Variants in ROR1 observed in about 807,000 individuals in gnomAD.
The protein encoded by ROR1 is ROR family WNT receptor 1.
A neutral mutation model predicts 78.8 loss-of-function variants in ROR1; 19 were observed. The observed-to-expected ratio is 0.24, with a 90% CI of 0.17 to 0.35. The LOEUF (loss-of-function observed/expected upper bound fraction) is 0.35. ROR1 is among the 10% of genes least tolerant of loss of function. The probability of loss-of-function intolerance (pLI) is 1.00; values close to 1 mark genes in which losing one functional copy is unlikely to be tolerated. For synonymous variants in ROR1, 386 were observed against 433.6 expected (o/e 0.89, Z 1.36); for missense variants, 917 against 1,177.8 (o/e 0.78, Z 3.24).
At chr1:64,158,646 C>T (rs1649843924) in intron 7 of ROR1, among the ~76,000 whole-genome samples, 1 of 152,176 alleles carries the variant, frequency 6.6e-6, no homozygotes, top group South Asian at 2.1e-4. Flanking sequence ...GTATACAGTC[C>T]ATTCACGTGG....
chr1:63,915,157 G>A (rs2100421468), intron 1 of ROR1, among the ~76,000 whole-genome samples: 1 of 152,302 alleles, frequency 6.6e-6, no homozygotes, highest in East Asian at 1.9e-4. Flanking sequence ...GCTGCCCATG[G>A]TCACATTAAA....
intron 1 of ROR1, among the ~76,000 whole-genome samples, chr1:63,979,676 C>T (rs1199515398): frequency 6.6e-6 from 1 of 152,090 alleles, no homozygotes; most frequent in Non-Finnish European, 1.5e-5. Flanking sequence ...GGTGATGTGT[C>T]TGTAGAGATC....
chr1:64,064,428 A>G (rs923164581), intron 4 of ROR1, among the ~76,000 whole-genome samples: 13 of 152,222 alleles, frequency 8.5e-5, no homozygotes, highest in Admixed American at 2.6e-4. Context: ...CATTAGGGGA[A>G]TGCTGCAAGA....
chr1:64,140,158 T>G lies in ROR1; in HGVS notation c.660T>G (p.Ser220=). 6.2e-7 allele frequency: 1 copy of G among 1,614,194 alleles called. No homozygotes were observed. The highest frequency in any genetic ancestry group is 8.5e-7 in the Non-Finnish European group (1 of 1,180,024). The change falls in exon 6 of 9, where the codon TCT becomes TCG. Residue 220 remains serine, a synonymous_variant. Coordinates refer to ENST00000371079, the MANE Select transcript of ROR1 (RefSeq NM_005012.4). ...GTSSHLSDKC[S]QFAIPSLCHY... ...CCAGTCACTTATCTGATAAGTGTTC[T>G]CAGTTCGCCATTCCTTCCCTGTGCC...
rs115239286 is a variant in ROR1, at chr1:64,120,495, A to T, written c.483-16874A>T. Among the ~76,000 whole-genome samples the T allele has an allele frequency of 2.0e-3, 312 of 152,262 alleles. 1 individual carries two copies. The highest frequency in any genetic ancestry group is 7.3e-3 in the African/African-American group (305 of 41,560). ...TAATAAATATAAAAATATGAATGAG[A>T]TATTTTACTCTTTTTTTTTTCTTTG... On this transcript the variant is annotated intron_variant, in intron 4 of 8. Coordinates refer to ENST00000371079, the MANE Select transcript of ROR1 (RefSeq NM_005012.4).
At chr1:63,779,450 G>A (rs1195183415) in intron 1 of ROR1, among the ~76,000 whole-genome samples, 2 of 152,090 alleles carry the variant, frequency 1.3e-5, no homozygotes, top group East Asian at 3.9e-4. Context: ...ATTCCCTGGG[G>A]TGTGACGGGA....
intron 1 of ROR1, among the ~76,000 whole-genome samples, chr1:63,885,144 A>G (rs550225508): frequency 1.3e-5 from 2 of 152,282 alleles, no homozygotes; most frequent in African/African-American, 4.8e-5. Flanking sequence ...TATCATTATT[A>G]TTATTATTTC....
chr1:64,001,048 C>T (rs1646378671), intron 1 of ROR1, among the ~76,000 whole-genome samples: 2 of 152,184 alleles, frequency 1.3e-5, no homozygotes, highest in Non-Finnish European at 2.9e-5. Context: ...TGCATGGGTT[C>T]ATGACAGCTT....
In ROR1 at chr1:64,148,804, C is replaced by T. The variant is rs545303413; in HGVS notation, c.1174+6154C>T. On this transcript the variant is annotated intron_variant, in intron 7 of 8. Coordinates refer to ENST00000371079, the MANE Select transcript of ROR1 (RefSeq NM_005012.4). ...TGCTTAGAGAAAGTGAAAAAAAAGA[C>T]AAAAGTTGGTTTGGGCAAGACCTGG... Among the ~76,000 whole-genome samples the T allele has an allele frequency of 4.4e-4, 67 of 152,148 alleles. 1 individual carries two copies. The highest frequency in any genetic ancestry group is 1.5e-3 in the African/African-American group (62 of 41,512).
At chr1:63,876,645 G>GGTGTGTGT (rs367954652) in intron 1 of ROR1, among the ~76,000 whole-genome samples, 91 of 130,660 alleles carry the variant, frequency 7.0e-4, no homozygotes, top group South Asian at 3.2e-3. Context: ...CCACGAAAGG[G>GGTGTGTGT]GTGTGTGTGT....
At chr1:63,863,537 A>G (rs996008749) in intron 1 of ROR1, among the ~76,000 whole-genome samples, 4 of 152,154 alleles carry the variant, frequency 2.6e-5, no homozygotes, top group African/African-American at 9.7e-5. Context: ...GTCACCATCT[A>G]TGGGTCTGTG....
At chr1:64,122,650 G>A (rs937254482) in intron 4 of ROR1, among the ~76,000 whole-genome samples, 2 of 152,154 alleles carry the variant, frequency 1.3e-5, no homozygotes, top group African/African-American at 2.4e-5. Flanking sequence ...TGGAGATGAG[G>A]AACTGGAGAA....
chr1:64,035,430 C>G (rs572908278), intron 2 of ROR1, among the ~76,000 whole-genome samples: 1 of 152,104 alleles, frequency 6.6e-6, no homozygotes, highest in Admixed American at 6.6e-5. Context: ...CATAATAGCC[C>G]TCTGTTGTCT....
intron 1 of ROR1, among the ~76,000 whole-genome samples, chr1:63,908,299 A>G (rs568154719): frequency 6.6e-6 from 1 of 152,352 alleles, no homozygotes; most frequent in Non-Finnish European, 1.5e-5. Context: ...TGACAAAGCA[A>G]AAAATGAGGT....
chr1:63,821,424 T>C (rs186220638), intron 1 of ROR1, among the ~76,000 whole-genome samples: 13 of 152,336 alleles, frequency 8.5e-5, no homozygotes, highest in African/African-American at 2.9e-4. Flanking sequence ...TTGGTATCCA[T>C]TGGAAACTGC....
Position 63,963,576 on chromosome 1 carries a change from CAAAACAAAACAAAAAAA to C in ROR1, c.92-45713_92-45697del, listed in dbSNP as rs527722697. Among the ~76,000 whole-genome samples the C allele has an allele frequency of 2.4e-3, 293 of 120,240 alleles. 1 individual carries two copies. Among genetic ancestry groups the C allele is most frequent in the African/African-American group, 8.8e-3 (265 of 30,012 alleles). The allele number at this position is 120,240 out of a possible 152,430, so 78.9% of individuals were successfully genotyped here. On this transcript the variant is annotated intron_variant, in intron 1 of 8. Transcript: ENST00000371079. ...AGAGCAAGACTCTGTCTCAAAAAAACAAAACAAAACAAAAAAAAAAACAAAACAAAAAGAAAGGAAGA... is the reference window on the plus strand; with the variant it reads ...AGAGCAAGACTCTGTCTCAAAAAAACAAAACAAAACAAAAAGAAAGGAAGA...
chr1:63,775,376 C>G (rs1644610321), intron 1 of ROR1: 1 of 152,104 alleles, frequency 6.6e-6, no homozygotes, highest in Admixed American at 6.5e-5. Context: ...GGGAAGAGCC[C>G]GGCTGAGCCT....
chr1:63,823,993 C>T (rs1009427889), intron 1 of ROR1, among the ~76,000 whole-genome samples: 11 of 151,942 alleles, frequency 7.2e-5, no homozygotes, highest in Non-Finnish European at 1.6e-4. Flanking sequence ...GGTGATCCAC[C>T]CACCTCGGCC....
intron 1 of ROR1, among the ~76,000 whole-genome samples, chr1:63,866,118 G>T (rs1462542539): frequency 3.3e-5 from 5 of 152,054 alleles, no homozygotes; most frequent in Admixed American, 1.3e-4. Context: ...TGTCACCAGT[G>T]GTGCCCCCCC....
Sources: gnomAD v4.1 joint callset for allele counts (sites outside exome capture counted in the v4.1 genomes callset) on GRCh38, gnomAD v4.1.1 for gene constraint, MANE v1.5 for transcripts, NCBI Gene and HGNC (gene_info 2026-07-23, HGNC 2026-07-21) for gene names.